PHB2: variants seen among roughly 807,000 people sequenced by gnomAD.
PHB2 encodes the protein prohibitin 2.
A neutral mutation model predicts 46.4 loss-of-function variants in PHB2; 22 were observed. That is an observed-to-expected ratio of 0.47 (90% CI 0.34 to 0.68). The LOEUF (loss-of-function observed/expected upper bound fraction) is 0.68. Ranked by LOEUF, PHB2 falls within the 30% of genes least tolerant of loss-of-function variation. PHB2 has a pLI of 0.01. For synonymous variants in PHB2, 156 were observed against 150.5 expected (o/e 1.04, Z -0.27); for missense variants, 305 against 382.8 (o/e 0.80, Z 1.70).
intron 2 of PHB2, 22 bp downstream of exon 2, chr12:6,970,174 A>G (rs2138310804): frequency 6.3e-7 from 1 of 1,579,174 alleles, no homozygotes; most frequent in East Asian, 2.2e-5. Context: ...GGTCAGGGTC[A>G]GCAGGCTCTG....
chr12:6,965,663 G>T lies in PHB2; in HGVS notation c.*22C>A, dbSNP rs966144550. ...AGAAGCAGATCCACTTCCTCTGGGG[G>T]TGGAGTTCTTGGTGACTAGGCTCAT... is the stretch of plus-strand genomic sequence containing the variant. On this transcript the variant is annotated 3_prime_UTR_variant, in exon 10 of 10. Transcript: ENST00000535923. 2 of 1,607,220 alleles carry T rather than the reference G, an allele frequency of 1.2e-6. No individual in the cohort carries two copies. Among genetic ancestry groups the T allele is most frequent in the Middle Eastern group, 1.7e-4 (1 of 5,974 alleles).
rs1555151328 is a variant in PHB2, at chr12:6,968,605, A to G, written c.293-10T>C. 6.2e-7 allele frequency: 1 copy of G among 1,612,134 alleles called. No individual in the cohort carries two copies. Among genetic ancestry groups the G allele is most frequent in the Admixed American group, 1.7e-5 (1 of 59,842 alleles). Reference sequence around the variant, plus strand: ...TTCACCATCTGTAGGTCTGAGATTGAGGTCAGCAGTGGCTGGTCAAGGCCA... The same window carrying G: ...TTCACCATCTGTAGGTCTGAGATTGGGGTCAGCAGTGGCTGGTCAAGGCCA... On this transcript the variant is annotated splice_polypyrimidine_tract_variant and intron_variant, in intron 3 of 9. Transcript: ENST00000535923.
intron 8 of PHB2, 141 bp from the exon 9 acceptor site, chr12:6,966,057 C>CATGAAAGG (rs1261338084): frequency 1.1e-6 from 1 of 894,182 alleles, no homozygotes; most frequent in East Asian, 2.6e-5. Context: ...CCAGGAATCT[C>CATGAAAGG]AGGCTCATGA....
chr12:6,969,259 G>C (rs782731778), intron 3 of PHB2, among the ~76,000 whole-genome samples: 3 of 152,338 alleles, frequency 2.0e-5, no homozygotes, highest in African/African-American at 7.2e-5. Flanking sequence ...CAGTGAACAA[G>C]ACGAGGGACA....
At chr12:6,970,060 C>G (rs1555151734) in intron 2 of PHB2, 136 bp downstream of exon 2, 12 of 753,278 alleles carry the variant, frequency 1.6e-5, no homozygotes, top group Admixed American at 1.5e-4. Context: ...TCTCGCAGCA[C>G]CCACTATCCT....
Position 6,970,434 on chromosome 12 carries a change from C to T in PHB2, c.110G>A (p.Arg37His), listed in dbSNP as rs782105499. The change falls in exon 1 of 10, where the codon CGC becomes CAC. Residue 37 changes from arginine to histidine, a missense_variant. By Grantham distance (29) the Arg-to-His change is conservative. Transcript: ENST00000535923. Reference sequence around the variant, plus strand: ...TTGCTCACCGGTGAACACAGATTCGCGCACACCGTAGGCCACGGCGCCGGC... The same window carrying T: ...TTGCTCACCGGTGAACACAGATTCGTGCACACCGTAGGCCACGGCGCCGGC... ...LGAGAVAYGV[R>H]ESVFTVEGGH... 1.9e-6 allele frequency: 3 copies of T among 1,604,010 alleles called. No homozygotes were observed. Among genetic ancestry groups the T allele is most frequent in the Non-Finnish European group, 2.5e-6 (3 of 1,179,664 alleles).
At position 6,967,617 on chromosome 12, in the gene PHB2, A is replaced by C; in HGVS notation, c.711+59T>G. 9 of 1,340,190 alleles carry C rather than the reference A, an allele frequency of 6.7e-6. No homozygotes were observed. Among genetic ancestry groups the C allele is most frequent in the Non-Finnish European group, 9.7e-6 (9 of 931,806 alleles). The allele number at this position is 1,340,190 out of a possible 1,614,324, so 83.0% of individuals were successfully genotyped here. ...AGTCTCATCAGCCTGCCCATGAAGG[A>C]GAATGGGGAACTCAGGTGCCCTAGG... On this transcript the variant is annotated intron_variant, in intron 6 of 9. Coordinates refer to ENST00000535923, the MANE Select transcript of PHB2 (RefSeq NM_001144831.2). The surrounding 1 kb of genome is among the most constrained non-coding windows in gnomAD (Gnocchi z 4.9).
chr12:6,968,432 C>T lies in PHB2; in HGVS notation c.456G>A (p.Gln152=). The T allele has an allele frequency of 6.2e-7, 1 of 1,611,664 alleles. No homozygotes were observed. The highest frequency in any genetic ancestry group is 1.1e-5 in the South Asian group (1 of 90,422). ...AGACCTGGGCCCGCTGGGTGATCAG[C>T]TGTGAGGCATTGAACTTGGCCACCA... The part of the protein sequence containing the change: ...KSVVAKFNAS[Q]LITQRAQVSL... The change falls in exon 4 of 10, where the codon CAG becomes CAA. Residue 152 remains glutamine (Q), a synonymous_variant. Transcript: ENST00000535923.
At chr12:6,968,741 GAAGAC>G (rs2138306127) in intron 3 of PHB2, 146 bp from the exon 4 acceptor site, 1 of 711,918 alleles carries the variant, frequency 1.4e-6, no homozygotes, top group African/African-American at 1.7e-5. Flanking sequence ...GGCTGACAAG[GAAGAC>G]AAGACGCAGC....
At chr12:6,966,626 A>G in intron 7 of PHB2, 126 bp from the exon 8 acceptor site, 1 of 710,020 alleles carries the variant, frequency 1.4e-6, no homozygotes, top group African/African-American at 1.7e-5. Flanking sequence ...AATGAGTAAC[A>G]CATGGTTTCT....
At position 6,966,078 on chromosome 12, in the gene PHB2, C is replaced by T. The variant is rs782547999; in HGVS notation, c.867-162G>A. On this transcript the variant is annotated intron_variant, in intron 8 of 9. Transcript: ENST00000535923. ...ATCTCAGGCTCATGAAAGGAGGAGG[C>T]ATGTTCTCATGGCCACTGCTATTTC... Among the ~76,000 whole-genome samples, 5 of 152,184 alleles carry T rather than the reference C, an allele frequency of 3.3e-5. No homozygotes were observed. In the East Asian group the frequency reaches 7.7e-4, roughly 23 times the overall value.
Position 6,968,406 on chromosome 12 carries a change from C to T in PHB2, c.477+5G>A. The T allele has an allele frequency of 6.3e-7, 1 of 1,597,218 alleles. No homozygotes were observed. The highest frequency in any genetic ancestry group is 8.6e-7 in the Non-Finnish European group (1 of 1,168,288). On this transcript the variant is annotated splice_donor_5th_base_variant and intron_variant, in intron 4 of 9. Transcript: ENST00000535923. ...ACACCACGCAGATGGTGGTGGGAGT[C>T]AGACCTGGGCCCGCTGGGTGATCAG...
chr12:6,969,825 G>A (rs1191826538), intron 2 of PHB2: 11 of 508,788 alleles, frequency 2.2e-5, no homozygotes, highest in South Asian at 1.2e-4. Flanking sequence ...CTTGAAATCA[G>A]GAGGCGGAGG....
rs1555151591 is a variant in PHB2, at chr12:6,969,582, A to C, written c.213-5T>G. On this transcript the variant is annotated splice_polypyrimidine_tract_variant and splice_region_variant and intron_variant, in intron 2 of 9. Transcript: ENST00000535923. ...GGGTACTGGAACCAAGGGATCCTGG[A>C]GAGGACAGGGATAGGTATTAAGAGG... The C allele has an allele frequency of 6.3e-7, 1 of 1,589,302 alleles. No homozygotes were observed. Among genetic ancestry groups the C allele is most frequent in the Non-Finnish European group, 8.6e-7 (1 of 1,158,562 alleles).
At chr12:6,969,621 C>T (rs781984825) in intron 2 of PHB2, 44 bp from the exon 3 acceptor site, 28 of 1,207,080 alleles carry the variant, frequency 2.3e-5, no homozygotes, top group South Asian at 2.0e-4. Flanking sequence ...CAGTTTCGGC[C>T]GGGCGCGGTG....
chr12:6,968,181 G>A (rs1265964963), intron 4 of PHB2, among the ~76,000 whole-genome samples, 160 bp from the exon 5 acceptor site: 1 of 152,214 alleles, frequency 6.6e-6, no homozygotes, highest in African/African-American at 2.4e-5. Flanking sequence ...GCTCGAAGAG[G>A]TGCAGGAAAA....
At chr12:6,970,364 G>T in intron 1 of PHB2, 53 bp downstream of exon 1, 1 of 1,604,818 alleles carries the variant, frequency 6.2e-7, no homozygotes. Context: ...GACAGGGCAA[G>T]GGGTTTGGGG....
At position 6,967,621 on chromosome 12, in the gene PHB2, T is replaced by C. The variant is rs782498374; in HGVS notation, c.711+55A>G. The C allele has an allele frequency of 2.9e-6, 4 of 1,379,824 alleles. No homozygotes were observed. In the East Asian group the frequency reaches 9.2e-5, roughly 32 times the overall value. 85.5% of individuals were successfully genotyped at this position (1,379,824 alleles called of 1,614,324 possible). A position where few individuals can be genotyped will look rare whatever the true frequency, so the allele number is the denominator to read the frequency against. ...TCATCAGCCTGCCCATGAAGGAGAATGGGGAACTCAGGTGCCCTAGGGGCT... is the reference window on the plus strand; with the variant it reads ...TCATCAGCCTGCCCATGAAGGAGAACGGGGAACTCAGGTGCCCTAGGGGCT... On this transcript the variant is annotated intron_variant, in intron 6 of 9. Coordinates refer to ENST00000535923, the MANE Select transcript of PHB2 (RefSeq NM_001144831.2). This position sits in a 1 kb window ranked among gnomAD's most constrained non-coding sequence, Gnocchi z 4.9.
At position 6,967,306 on chromosome 12, in the gene PHB2, C is replaced by T. The variant is rs782442104; in HGVS notation, c.712-58G>A. Reference sequence around the variant, plus strand: ...TCTCAATCCCTGGCCCTGTCCTTACCACACTCCCTTGCTCCAGTCCTCCTC... The same window carrying T: ...TCTCAATCCCTGGCCCTGTCCTTACTACACTCCCTTGCTCCAGTCCTCCTC... On this transcript the variant is annotated intron_variant, in intron 6 of 9. Transcript: ENST00000535923. This position sits in a 1 kb window ranked among gnomAD's most constrained non-coding sequence, Gnocchi z 4.9. 4 of 1,611,418 alleles carry T rather than the reference C, an allele frequency of 2.5e-6. No homozygotes were observed. The highest frequency in any genetic ancestry group is 1.7e-5 in the Admixed American group (1 of 59,932).
Sources: allele counts gnomAD v4.1 joint callset (sites outside exome capture counted in the v4.1 genomes callset), GRCh38; gene constraint gnomAD v4.1.1; non-coding constraint Gnocchi (gnomAD v3.1); transcripts MANE v1.5; gene names NCBI Gene and HGNC (gene_info 2026-07-23, HGNC 2026-07-21).